CD200: variants seen among roughly 807,000 people sequenced by gnomAD.
CD200 encodes the protein CD200 molecule.
CD200 carries 15 observed loss-of-function variants against 30.9 expected under a neutral mutation model. That is an observed-to-expected ratio of 0.49 (90% CI 0.32 to 0.75). CD200 has a LOEUF of 0.75. Ranked by LOEUF, CD200 falls within the 30% of genes least tolerant of loss-of-function variation. The pLI is 0.03. For missense variants in CD200, 262 were observed against 324.2 expected (o/e 0.81, Z 1.47); for synonymous variants, 134 against 126.2 (o/e 1.06, Z -0.41).
At chr3:112,341,767 G>T (rs2081244045) in intron 2 of CD200, among the ~76,000 whole-genome samples, 1 of 152,128 alleles carries the variant, frequency 6.6e-6, no homozygotes, top group Non-Finnish European at 1.5e-5. Context: ...ACTCATCTAA[G>T]AGTTGAACTC....
intron 1 of CD200, chr3:112,333,954 T>C (rs1343435675): frequency 1.0e-6 from 1 of 984,616 alleles, no homozygotes; most frequent in African/African-American, 1.7e-5. Flanking sequence ...GAAATCCAAA[T>C]ACAATGGTAT....
intron 3 of CD200, among the ~76,000 whole-genome samples, chr3:112,347,220 C>T (rs2108451375): frequency 6.6e-6 from 1 of 152,306 alleles, no homozygotes; most frequent in Non-Finnish European, 1.5e-5. Context: ...TGCTGCATTG[C>T]CCCTGGAAGA....
chr3:112,339,347 C>G (rs868739759), intron 1 of CD200, among the ~76,000 whole-genome samples: 2 of 152,066 alleles, frequency 1.3e-5, no homozygotes, highest in Non-Finnish European at 2.9e-5. Context: ...GCTAAAAGAC[C>G]AAGGATATAA....
chr3:112,345,445 T>G (rs1398717207), intron 3 of CD200, among the ~76,000 whole-genome samples, 157 bp downstream of exon 3: 1 of 152,208 alleles, frequency 6.6e-6, no homozygotes, highest in Non-Finnish European at 1.5e-5. Context: ...TTATGATTAT[T>G]TGGAGAGTTC....
In CD200 at chr3:112,333,160, C is replaced by T; in HGVS notation, c.-53C>T. On this transcript the variant is annotated 5_prime_UTR_variant, in exon 1 of 6. Transcript: ENST00000315711. ...CGCTCCTCCCGCCTGCCTAGCAGAG[C>T]TCCAGGCGCACATCCGCAGTCAGCC... 1 of 1,547,732 alleles carries T rather than the reference C, an allele frequency of 6.5e-7. No individual in the cohort carries two copies. Among genetic ancestry groups the T allele is most frequent in the East Asian group, 2.4e-5 (1 of 40,878 alleles).
chr3:112,337,389 G>A lies in CD200; in HGVS notation c.13-3513G>A, dbSNP rs1490053896. Reference sequence around the variant, plus strand: ...AGTGAGGGGGAAGACATTTCATGTAGGAGGAATGGCTCAAGCAAAAATACC... The same window carrying A: ...AGTGAGGGGGAAGACATTTCATGTAAGAGGAATGGCTCAAGCAAAAATACC... On this transcript the variant is annotated intron_variant, in intron 1 of 5. Transcript: ENST00000315711. Among the ~76,000 whole-genome samples, 3 of 152,144 alleles carry A rather than the reference G, an allele frequency of 2.0e-5. No homozygotes were observed. The East Asian group carries it at 5.8e-4, about 29-fold the overall frequency.
upstream of CD200, chr3:112,332,777 T>TA (rs34938268): frequency 6.5e-4 from 100 of 153,602 alleles, no homozygotes; most frequent in African/African-American, 1.8e-3. Flanking sequence ...GTTTTTTCTT[T>TA]AAAAAAAAAA....
At chr3:112,349,298 C>T (rs2399419) in intron 4 of CD200, among the ~76,000 whole-genome samples, 34,752 of 152,070 alleles carry the variant, frequency 0.23, 4,425 homozygotes, top group Non-Finnish European at 0.29. Flanking sequence ...CTGCATTTTC[C>T]ACAATTTCCT....
chr3:112,361,891 T>C lies in CD200; in HGVS notation c.*341T>C. 3.1e-6 allele frequency: 1 copy of C among 322,204 alleles called. No individual in the cohort carries two copies. The highest frequency in any genetic ancestry group is 5.7e-6 in the Non-Finnish European group (1 of 176,098). The allele number at this position is 322,204 out of a possible 1,614,324, so 20.0% of individuals were successfully genotyped here. A position where few individuals can be genotyped will look rare whatever the true frequency, so the allele number is the denominator to read the frequency against. On this transcript the variant is annotated 3_prime_UTR_variant, in exon 6 of 6. Coordinates refer to ENST00000315711, the MANE Select transcript of CD200 (RefSeq NM_005944.7). ...ACTGGTGGGGACCTCTGTTAGTCAC[T>C]TTACCTCATCCAAAGTATAAAGGAA...
At chr3:112,333,925 A>G in intron 1 of CD200, 1 of 985,388 alleles carries the variant, frequency 1.0e-6, no homozygotes, top group South Asian at 4.7e-5. Context: ...GAAGGTTTTC[A>G]TATATCCCAT....
At chr3:112,352,086 C>T (rs779841065) in intron 5 of CD200, among the ~76,000 whole-genome samples, 15 of 152,158 alleles carry the variant, frequency 9.9e-5, no homozygotes, top group Non-Finnish European at 2.1e-4. Context: ...AGTATCCAAA[C>T]TACAACAACT....
chr3:112,335,409 G>T (rs1160947441), intron 1 of CD200, among the ~76,000 whole-genome samples: 1 of 152,064 alleles, frequency 6.6e-6, no homozygotes, highest in African/African-American at 2.4e-5. Context: ...GGTATGCTTG[G>T]GTATCGAATA....
chr3:112,355,792 T>A (rs1367979106), intron 5 of CD200, among the ~76,000 whole-genome samples: 3 of 152,086 alleles, frequency 2.0e-5, no homozygotes, highest in Non-Finnish European at 4.4e-5. Context: ...CACTAACAAT[T>A]TTTTTAAAGA....
At chr3:112,342,393 CTTTCTTTCTTTCT>C (rs2081281659) in intron 2 of CD200, among the ~76,000 whole-genome samples, 1 of 50,900 alleles carries the variant, frequency 2.0e-5, no homozygotes, top group African/African-American at 7.4e-5. Context: ...TTCTTTCTTT[CTTTCTTTCTTTCT>C]TTCTTTCTTT....
chr3:112,339,304 G>C (rs999433501), intron 1 of CD200, among the ~76,000 whole-genome samples: 1 of 152,152 alleles, frequency 6.6e-6, no homozygotes, highest in Non-Finnish European at 1.5e-5. Context: ...GCAATACCAA[G>C]AGCCTTGGCA....
At chr3:112,333,109 G>C, upstream of CD200, 2 of 1,507,862 alleles carry the variant, frequency 1.3e-6, no homozygotes, top group Non-Finnish European at 1.8e-6. Flanking sequence ...AGGAAGAGGC[G>C]GGAGGTGCGG....
chr3:112,335,719 T>A (rs2081099688), intron 1 of CD200: 1 of 525,522 alleles, frequency 1.9e-6, no homozygotes, highest in Non-Finnish European at 3.4e-6. Context: ...AATACTGTGA[T>A]GGAGATAGTG....
At chr3:112,338,591 C>T (rs2081170889) in intron 1 of CD200, among the ~76,000 whole-genome samples, 1 of 152,088 alleles carries the variant, frequency 6.6e-6, no homozygotes, top group Non-Finnish European at 1.5e-5. Flanking sequence ...TGGGGTCATG[C>T]TTTATTACTA....
rs2108419468 is a variant in CD200 at position 112,335,880 on chromosome 3, C to T, written c.12+2656C>T. On this transcript the variant is annotated intron_variant, in intron 1 of 5. Transcript: ENST00000315711. ...CAACCACCTCCAGGGTACAAGTTGG[C>T]CCCAAGAGAGCTGAGACAATATTGG... 3 of 1,189,810 alleles carry T rather than the reference C, an allele frequency of 2.5e-6. No homozygotes were observed. The East Asian group carries it at 7.0e-5, about 28-fold the overall frequency. 73.7% of individuals were successfully genotyped at this position (1,189,810 alleles called of 1,614,324 possible).
Sources: allele counts gnomAD v4.1 joint callset (sites outside exome capture counted in the v4.1 genomes callset), GRCh38; gene constraint gnomAD v4.1.1; transcripts MANE v1.5; gene names NCBI Gene and HGNC (gene_info 2026-07-23, HGNC 2026-07-21).